TRPM3: variants seen among roughly 807,000 people sequenced by gnomAD.
The protein encoded by TRPM3 is transient receptor potential cation channel subfamily M member 3, also known as long transient receptor potential channel 3.
Under a neutral mutation model 181.2 loss-of-function variants are expected in TRPM3, and 77 were observed. That is an observed-to-expected ratio of 0.42 (90% CI 0.35 to 0.51). The LOEUF (loss-of-function observed/expected upper bound fraction) is 0.51, where lower values mean the gene tolerates loss of function less well. Among genes scored for constraint, TRPM3 ranks in the 20% least tolerant of loss-of-function variants. The pLI, the probability that TRPM3 is intolerant of heterozygous loss-of-function variation, is 0.01. For missense variants in TRPM3, 1,759 were observed against 2,196.7 expected (o/e 0.80, Z 3.98); for synonymous variants, 745 against 796.4 (o/e 0.94, Z 1.09).
intron 1 of TRPM3, among the ~76,000 whole-genome samples, chr9:71,433,304 C>T (rs183705960): frequency 4.6e-5 from 7 of 152,222 alleles, no homozygotes; most frequent in African/African-American, 1.4e-4. Context: ...GGGCAGTTAC[C>T]CCCGTGCTGT....
intron 8 of TRPM3, among the ~76,000 whole-genome samples, chr9:70,737,385 T>G: frequency 4.8e-4 from 1 of 2,086 alleles, no homozygotes; most frequent in East Asian, 6.3e-3. Context: ...TTCTGGAAAA[T>G]ACACCAAAAG....
chr9:71,266,144 T>C (rs2083379192), intron 1 of TRPM3, among the ~76,000 whole-genome samples: 1 of 152,208 alleles, frequency 6.6e-6, no homozygotes, highest in South Asian at 2.1e-4. Context: ...TCTGTTTTCA[T>C]ATTGTAGCTC....
In TRPM3 at chr9:71,185,191, T is replaced by G. The variant is rs79086018; in HGVS notation, c.183+261462A>C. On this transcript the variant is annotated intron_variant, in intron 1 of 24. Coordinates refer to the TRPM3 transcript ENST00000357533. ...ACACTCTAATGTAATAAAAATCCAG[T>G]GTGTAACTGATGCATGAAAGGAGAG... is the stretch of plus-strand genomic sequence containing the variant. 7.9e-5 allele frequency among the ~76,000 whole-genome samples: 12 copies of G among 152,094 alleles called. 1 individual carries two copies. The East Asian group carries it at 2.1e-3, about 27-fold the overall frequency.
intron 1 of TRPM3, among the ~76,000 whole-genome samples, chr9:70,951,216 A>G (rs1332265380): frequency 1.3e-5 from 2 of 152,214 alleles, no homozygotes; most frequent in African/African-American, 4.8e-5. Context: ...AAATATAGGT[A>G]TAATATTAAG....
intron 1 of TRPM3, among the ~76,000 whole-genome samples, chr9:71,407,286 C>T (rs1007551544): frequency 2.6e-5 from 4 of 152,062 alleles, no homozygotes; most frequent in East Asian, 1.9e-4. Context: ...TCATCTCACC[C>T]GGGAAGTACA....
At chr9:71,059,395 G>A (rs2061048406) in intron 1 of TRPM3, among the ~76,000 whole-genome samples, 1 of 151,908 alleles carries the variant, frequency 6.6e-6, no homozygotes, top group South Asian at 2.1e-4. Flanking sequence ...CTAGTTTCTA[G>A]ACCAAAGGAC....
chr9:70,702,093 T>A (rs2134708370), intron 8 of TRPM3, among the ~76,000 whole-genome samples: 1 of 59,140 alleles, frequency 1.7e-5, no homozygotes, highest in African/African-American at 6.9e-5. Flanking sequence ...TGGTCACTAT[T>A]TTTGAGCAAG....
chr9:71,042,410 T>A (rs1395750908), intron 1 of TRPM3, among the ~76,000 whole-genome samples: 1 of 152,230 alleles, frequency 6.6e-6, no homozygotes. Flanking sequence ...CATCATTTTG[T>A]CTTGTCACCA....
chr9:71,072,461 A>G (rs982180335), intron 1 of TRPM3, among the ~76,000 whole-genome samples: 1 of 152,176 alleles, frequency 6.6e-6, no homozygotes, highest in African/African-American at 2.4e-5. Flanking sequence ...TAGTAAATAC[A>G]ATATTAACTC....
chr9:71,196,647 A>G (rs552691066), intron 1 of TRPM3, among the ~76,000 whole-genome samples: 225 of 152,106 alleles, frequency 1.5e-3, no homozygotes, highest in African/African-American at 4.9e-3. Flanking sequence ...AGTAATTGAC[A>G]CCTCACAGGT....
chr9:71,089,342 T>C (rs1177320560), intron 1 of TRPM3, among the ~76,000 whole-genome samples: 5 of 151,304 alleles, frequency 3.3e-5, no homozygotes, highest in African/African-American at 9.7e-5. Context: ...AGAGCATACA[T>C]GGCAATATAT....
chr9:70,577,405 C>T (rs780824112), intron 22 of TRPM3, among the ~76,000 whole-genome samples: 1 of 152,206 alleles, frequency 6.6e-6, no homozygotes, highest in Non-Finnish European at 1.5e-5. Flanking sequence ...GGCTGTGTGC[C>T]TTCAACAAGT....
At chr9:71,071,860 G>T (rs2062809142) in intron 1 of TRPM3, among the ~76,000 whole-genome samples, 1 of 152,126 alleles carries the variant, frequency 6.6e-6, no homozygotes, top group Non-Finnish European at 1.5e-5. Context: ...ACAGGATGTG[G>T]TTCACATAGA....
intron 1 of TRPM3, among the ~76,000 whole-genome samples, chr9:70,942,462 G>C (rs1427824920): frequency 6.6e-6 from 1 of 152,190 alleles, no homozygotes; most frequent in East Asian, 1.9e-4. Context: ...AATCACATTG[G>C]TACATTGCAC....
At chr9:71,153,291 ATT>A (rs370590474) in intron 1 of TRPM3, among the ~76,000 whole-genome samples, 6 of 140,020 alleles carry the variant, frequency 4.3e-5, no homozygotes, top group South Asian at 4.6e-4. Flanking sequence ...GGCGCCATTA[ATT>A]TTTTTTTTTT....
Position 70,622,141 on chromosome 9 carries a change from C to T in TRPM3, c.1810-868G>A, listed in dbSNP as rs116155848. Among the ~76,000 whole-genome samples, 455 of 152,240 alleles carry T rather than the reference C, an allele frequency of 3.0e-3. 1 individual carries two copies. The highest frequency in any genetic ancestry group is 0.011 in the African/African-American group (445 of 41,546). ...GGCTCAATGCAGCTCATTCACCCTT[C>T]TACTGGATGAGGACACAGTGACAAG... On this transcript the variant is annotated intron_variant, in intron 14 of 25. Transcript: ENST00000677713.
chr9:70,841,715 C>T (rs2094678158), intron 5 of TRPM3, among the ~76,000 whole-genome samples: 1 of 135,700 alleles, frequency 7.4e-6, no homozygotes, highest in African/African-American at 2.8e-5. Flanking sequence ...TATATATCTC[C>T]CACCATATAT....
intron 9 of TRPM3, among the ~76,000 whole-genome samples, chr9:70,677,109 T>G (rs2064191520): frequency 6.6e-6 from 1 of 151,940 alleles, no homozygotes; most frequent in Non-Finnish European, 1.5e-5. Flanking sequence ...AAGTGAGAAC[T>G]AGCTAAAACA....
intron 1 of TRPM3, among the ~76,000 whole-genome samples, chr9:71,391,535 TTA>T (rs1265408109): frequency 2.6e-5 from 4 of 152,048 alleles, no homozygotes; most frequent in African/African-American, 9.7e-5. Flanking sequence ...TAAGCTCAAT[TTA>T]TAAATACAGT....
Sources: gnomAD v4.1 joint callset for allele counts (sites outside exome capture counted in the v4.1 genomes callset) on GRCh38, gnomAD v4.1.1 for gene constraint, MANE v1.5 for transcripts, NCBI Gene and HGNC (gene_info 2026-07-23, HGNC 2026-07-21) for gene names.